B3GLCT: variants seen among roughly 807,000 people sequenced by gnomAD.
B3GLCT encodes beta-1,3-glucosyltransferase.
A neutral mutation model predicts 63.4 loss-of-function variants in B3GLCT; 65 were observed. That is an observed-to-expected ratio of 1.03 (90% CI 0.84 to 1.26). B3GLCT has a LOEUF of 1.26. B3GLCT is among the 50% of genes most tolerant of loss of function. The pLI is 0.00. For synonymous variants in B3GLCT, 233 were observed against 219.2 expected, an observed-to-expected ratio of 1.06 and a Z score of -0.55; for missense variants, 577 against 604.8, an observed-to-expected ratio of 0.95 and a Z score of 0.48.
chr13:31,237,075 G>A (rs1309125083), intron 4 of B3GLCT, among the ~76,000 whole-genome samples: 5 of 150,554 alleles, frequency 3.3e-5, no homozygotes, highest in African/African-American at 9.8e-5. Context: ...GCAGTGACCC[G>A]AGATCGCACC....
At chr13:31,295,007 C>T (rs372499551) in intron 12 of B3GLCT, among the ~76,000 whole-genome samples, 2 of 150,094 alleles carry the variant, frequency 1.3e-5, no homozygotes, top group Non-Finnish European at 1.5e-5. Context: ...TGTGGACGTC[C>T]TTTTTTTTTG....
intron 4 of B3GLCT, among the ~76,000 whole-genome samples, chr13:31,246,688 T>G (rs928944210): frequency 2.6e-5 from 4 of 152,220 alleles, no homozygotes; most frequent in African/African-American, 9.6e-5. Flanking sequence ...CCCCAGGCTC[T>G]TCCCTTCAAG....
Position 31,302,385 on chromosome 13 carries a change from C to T in B3GLCT, c.1065-15181C>T, listed in dbSNP as rs529882341. On this transcript the variant is annotated intron_variant, in intron 12 of 14. Transcript: ENST00000343307. ...CTCCCAGCGTGAGCGACGCAGAAGA[C>T]GGGTGATTTCTGCATTTCCATCTGA... 5.5e-3 allele frequency among the ~76,000 whole-genome samples: 829 copies of T among 151,122 alleles called. 12 individuals carry two copies. Among genetic ancestry groups the T allele is most frequent in the African/African-American group, 0.019 (796 of 41,136 alleles).
chr13:31,329,176 G>A (rs1875788444), intron 14 of B3GLCT, among the ~76,000 whole-genome samples: 1 of 152,166 alleles, frequency 6.6e-6, no homozygotes, highest in African/African-American at 2.4e-5. Flanking sequence ...TCTTTGTGCA[G>A]AAGTGATAAT....
chr13:31,215,021 T>C, intron 1 of B3GLCT, 30 bp from the exon 2 acceptor site: 1 of 1,558,016 alleles, frequency 6.4e-7, no homozygotes, highest in African/African-American at 1.5e-5. Context: ...AATTCTAAGG[T>C]AGAAATATTT....
intron 1 of B3GLCT, among the ~76,000 whole-genome samples, chr13:31,203,964 A>G (rs542371769): frequency 6.6e-6 from 1 of 152,362 alleles, no homozygotes; most frequent in Admixed American, 6.5e-5. Context: ...TCATTTATTC[A>G]GAGTAATGTG....
intron 6 of B3GLCT, chr13:31,260,540 G>C (rs1871975228): frequency 1.2e-5 from 2 of 163,404 alleles, no homozygotes; most frequent in Admixed American, 1.2e-4. Flanking sequence ...TTGAATGAAT[G>C]AGTAAATAAA....
At chr13:31,316,407 T>TTTTATATATATATATATA (rs1239451482) in intron 12 of B3GLCT, among the ~76,000 whole-genome samples, 492 of 40,838 alleles carry the variant, frequency 0.012, 9 homozygotes, top group African/African-American at 0.021. Context: ...TTTGGAGGTT[T>TTTTATATATATATATATA]TATATATATA....
chr13:31,216,476 G>T (rs747860435), intron 2 of B3GLCT, among the ~76,000 whole-genome samples: 2 of 151,848 alleles, frequency 1.3e-5, no homozygotes, highest in South Asian at 4.1e-4. Flanking sequence ...AGGTCAAGGG[G>T]TACATGTGCA....
At chr13:31,317,436 C>T (rs922893282) in intron 12 of B3GLCT, 130 bp from the exon 13 acceptor site, 2 of 1,107,008 alleles carry the variant, frequency 1.8e-6, no homozygotes, top group African/African-American at 1.5e-5. Context: ...ATAAGTCACT[C>T]AAATTTCTTC....
rs1869835383 is a variant in B3GLCT, at chr13:31,222,044, A to G, written c.121-908A>G. ...CAGATTTCTGTGTCTGGAGCTCTCCAGCTCTTAAGGTGCCCCTTCTGTGCT... is the reference window on the plus strand; with the variant it reads ...CAGATTTCTGTGTCTGGAGCTCTCCGGCTCTTAAGGTGCCCCTTCTGTGCT... On this transcript the variant is annotated intron_variant, in intron 2 of 14. Coordinates refer to ENST00000343307, the MANE Select transcript of B3GLCT (RefSeq NM_194318.4). Among the ~76,000 whole-genome samples the G allele has an allele frequency of 2.7e-5, 4 of 149,800 alleles. No homozygotes were observed. The South Asian group carries it at 8.4e-4, about 32-fold the overall frequency.
At chr13:31,214,465 T>G (rs1869450896) in intron 1 of B3GLCT, among the ~76,000 whole-genome samples, 1 of 152,370 alleles carries the variant, frequency 6.6e-6, no homozygotes, top group Middle Eastern at 3.4e-3. Flanking sequence ...TCATTCTAAA[T>G]GGAGAATGAT....
chr13:31,233,156 A>C (rs1433030818), intron 4 of B3GLCT, among the ~76,000 whole-genome samples: 2 of 152,210 alleles, frequency 1.3e-5, no homozygotes, highest in South Asian at 4.1e-4. Flanking sequence ...TAAGTAACTT[A>C]TGTATTTTAT....
intron 11 of B3GLCT, among the ~76,000 whole-genome samples, chr13:31,286,191 A>T (rs1450776573): frequency 6.6e-6 from 1 of 152,196 alleles, no homozygotes; most frequent in East Asian, 1.9e-4. Context: ...CTTACTCAGC[A>T]CTATATCTTT....
intron 7 of B3GLCT, among the ~76,000 whole-genome samples, chr13:31,266,156 C>A (rs895273595): frequency 6.6e-6 from 1 of 152,116 alleles, no homozygotes; most frequent in African/African-American, 2.4e-5. Flanking sequence ...CGCCACCACA[C>A]CCGCCTAATA....
intron 11 of B3GLCT, 132 bp downstream of exon 11, chr13:31,284,893 C>T (rs1272876373): frequency 1.5e-6 from 1 of 678,670 alleles, no homozygotes; most frequent in Non-Finnish European, 2.6e-6. Flanking sequence ...TTTCCCTTCT[C>T]TCAGATACTG....
chr13:31,281,800 C>G (rs1425139662), intron 10 of B3GLCT, among the ~76,000 whole-genome samples: 2 of 152,202 alleles, frequency 1.3e-5, no homozygotes, highest in Non-Finnish European at 2.9e-5. Flanking sequence ...AAAAACTATT[C>G]ACATTTGATG....
chr13:31,317,652 C>T lies in B3GLCT; in HGVS notation c.1151C>T (p.Thr384Ile). 3 of 1,614,112 alleles carry T rather than the reference C, an allele frequency of 1.9e-6. No individual in the cohort carries two copies. Among genetic ancestry groups the T allele is most frequent in the African/African-American group, 1.3e-5 (1 of 75,050 alleles). ...GAGCGCTACGGCTACGGCCTGGGCACTGGTGGCTACAGCTACATCACGGGA... is the reference window on the plus strand; with the variant it reads ...GAGCGCTACGGCTACGGCCTGGGCATTGGTGGCTACAGCTACATCACGGGA... ...LGERYGYGLGTGGYSYITGGG... is the reference protein window; with the variant it reads ...LGERYGYGLGIGGYSYITGGG... Residue 384 changes from threonine to isoleucine, a missense_variant, in exon 13 of 15, where the codon ACT becomes ATT. By Grantham distance (89) the Thr-to-Ile change is moderately conservative. Coordinates refer to ENST00000343307, the MANE Select transcript of B3GLCT (RefSeq NM_194318.4).
rs1026208325 is a variant in B3GLCT, at chr13:31,244,070, A to G, written c.271-2953A>G. Among the ~76,000 whole-genome samples the G allele has an allele frequency of 1.4e-4, 21 of 152,372 alleles. 1 individual carries two copies. The highest frequency in any genetic ancestry group is 6.8e-3 in the Middle Eastern group (2 of 294). The stretch of plus-strand genomic sequence containing the variant: ...TAGATTGACGACAGTTGTTGCATGC[A>G]TGAATGCCTTTACTATGTCTTTATT... On this transcript the variant is annotated intron_variant, in intron 4 of 14. Coordinates refer to ENST00000343307, the MANE Select transcript of B3GLCT (RefSeq NM_194318.4).
Sources: gnomAD v4.1 joint callset for allele counts (sites outside exome capture counted in the v4.1 genomes callset) on GRCh38, gnomAD v4.1.1 for gene constraint, MANE v1.5 for transcripts, NCBI Gene and HGNC (gene_info 2026-07-23, HGNC 2026-07-21) for gene names.